The following TBC1D22A variants were observed in gnomAD, a reference collection of about 807,000 sequenced individuals.
TBC1D22A encodes the protein putative GTPase activator.
TBC1D22A carries 38 observed loss-of-function variants against 60.2 expected under a neutral mutation model. The observed-to-expected ratio is 0.63, with a 90% CI of 0.49 to 0.83. The LOEUF (loss-of-function observed/expected upper bound fraction) is 0.83, where lower values mean the gene tolerates loss of function less well. Ranked by LOEUF, TBC1D22A falls within the 40% of genes least tolerant of loss-of-function variation. TBC1D22A has a pLI of 0.00. For synonymous variants in TBC1D22A, 302 were observed against 281.7 expected, an observed-to-expected ratio of 1.07 and a Z score of -0.72; for missense variants, 628 against 701.0, an observed-to-expected ratio of 0.90 and a Z score of 1.18.
chr22:47,119,992 C>G (rs1196805530), intron 12 of TBC1D22A, among the ~76,000 whole-genome samples: 1 of 152,138 alleles, frequency 6.6e-6, no homozygotes, highest in Non-Finnish European at 1.5e-5. Flanking sequence ...TTCATGAGGC[C>G]TGCCTTCATC....
chr22:47,023,494 T>C (rs1383446886), intron 10 of TBC1D22A, among the ~76,000 whole-genome samples: 3 of 152,190 alleles, frequency 2.0e-5, no homozygotes, highest in Admixed American at 6.5e-5. Context: ...ATTGAGAATG[T>C]GAATGAATGC....
chr22:47,171,177 C>T (rs2068433521), intron 12 of TBC1D22A, among the ~76,000 whole-genome samples: 2 of 152,174 alleles, frequency 1.3e-5, no homozygotes, highest in African/African-American at 2.4e-5. Flanking sequence ...ACCACCTGGA[C>T]AGGAAGACAG....
intron 8 of TBC1D22A, among the ~76,000 whole-genome samples, chr22:46,953,295 C>T (rs1412820897): frequency 2.0e-5 from 3 of 152,128 alleles, no homozygotes; most frequent in African/African-American, 7.2e-5. Flanking sequence ...TTTCTGTTGG[C>T]CCCTGGGTTC....
chr22:46,964,162 G>T (rs1337682396), intron 8 of TBC1D22A, among the ~76,000 whole-genome samples: 1 of 152,218 alleles, frequency 6.6e-6, no homozygotes, highest in African/African-American at 2.4e-5. Flanking sequence ...GCTGCTCTGT[G>T]TAGGAAGGCT....
chr22:47,108,836 C>T (rs1294990881), intron 11 of TBC1D22A, among the ~76,000 whole-genome samples: 2 of 152,334 alleles, frequency 1.3e-5, no homozygotes, highest in South Asian at 4.1e-4. Flanking sequence ...GCTGGGACTA[C>T]AGGCACCCGC....
At chr22:46,906,661 G>A (rs760945435) in intron 7 of TBC1D22A, among the ~76,000 whole-genome samples, 4 of 152,156 alleles carry the variant, frequency 2.6e-5, no homozygotes, top group African/African-American at 4.8e-5. Flanking sequence ...CTCCACCTAC[G>A]AGCAAGTCAC....
intron 8 of TBC1D22A, among the ~76,000 whole-genome samples, chr22:46,955,975 T>C (rs1487580817): frequency 2.0e-5 from 3 of 152,210 alleles, no homozygotes; most frequent in African/African-American, 7.2e-5. Context: ...TTTAAAGCCA[T>C]TGGGTACATT....
At chr22:47,090,167 G>C (rs1032648667) in intron 11 of TBC1D22A, among the ~76,000 whole-genome samples, 5 of 152,192 alleles carry the variant, frequency 3.3e-5, no homozygotes, top group African/African-American at 7.2e-5. Context: ...CCTCACCTGG[G>C]AATCATCTTG....
intron 12 of TBC1D22A, among the ~76,000 whole-genome samples, chr22:47,144,284 C>G (rs1426208217): frequency 6.6e-6 from 1 of 152,222 alleles, no homozygotes; most frequent in Non-Finnish European, 1.5e-5. Flanking sequence ...GCCGCAGCCG[C>G]CCGTTTCCCT....
chr22:46,770,637 A>C (rs1028711497), intron 1 of TBC1D22A, among the ~76,000 whole-genome samples: 1 of 152,200 alleles, frequency 6.6e-6, no homozygotes, highest in African/African-American at 2.4e-5. Flanking sequence ...GTTTAAACCC[A>C]GGGGACTGAA....
intron 9 of TBC1D22A, among the ~76,000 whole-genome samples, chr22:46,991,546 G>A (rs2074940168): frequency 6.6e-6 from 1 of 152,256 alleles, no homozygotes; most frequent in African/African-American, 2.4e-5. Flanking sequence ...AGTGTGGACA[G>A]TTGGGGTTCA....
At chr22:46,969,687 T>G (rs894325340) in intron 8 of TBC1D22A, among the ~76,000 whole-genome samples, 2 of 152,162 alleles carry the variant, frequency 1.3e-5, no homozygotes, top group African/African-American at 4.8e-5. Flanking sequence ...GGGGTTAGCC[T>G]GTGCACTCGC....
intron 8 of TBC1D22A, among the ~76,000 whole-genome samples, chr22:46,947,106 A>G (rs1018116368): frequency 6.6e-6 from 1 of 151,958 alleles, no homozygotes; most frequent in Admixed American, 6.5e-5. Context: ...GGATGAGGTG[A>G]TAGAGCTGTG....
intron 11 of TBC1D22A, among the ~76,000 whole-genome samples, chr22:47,098,547 G>A (rs1388156612): frequency 6.6e-6 from 1 of 152,154 alleles, no homozygotes; most frequent in Non-Finnish European, 1.5e-5. Flanking sequence ...GGAAGGGCCA[G>A]GCAAGGCATC....
intron 5 of TBC1D22A, among the ~76,000 whole-genome samples, chr22:46,888,994 G>A (rs919919770): frequency 6.6e-6 from 1 of 152,172 alleles, no homozygotes; most frequent in East Asian, 1.9e-4. Context: ...GTGAGCTACC[G>A]CGTCTGTCCA....
intron 12 of TBC1D22A, among the ~76,000 whole-genome samples, chr22:47,146,029 C>T (rs2067272399): frequency 6.6e-6 from 1 of 150,598 alleles, no homozygotes; most frequent in African/African-American, 2.5e-5. Flanking sequence ...ACCAGGAGGC[C>T]ATGGCGCAGA....
intron 10 of TBC1D22A, among the ~76,000 whole-genome samples, chr22:47,006,292 C>T (rs984086406): frequency 6.6e-6 from 1 of 152,222 alleles, no homozygotes; most frequent in Admixed American, 6.5e-5. Context: ...ACAGTGCAGG[C>T]ATCGCAGTGA....
At chr22:46,952,275 T>TGGCCTTGGCATTCCTGTGGACC (rs1555966813) in intron 8 of TBC1D22A, among the ~76,000 whole-genome samples, 1 of 152,140 alleles carries the variant, frequency 6.6e-6, no homozygotes, top group Non-Finnish European at 1.5e-5. Flanking sequence ...CTCCTCACCA[T>TGGCCTTGGCATTCCTGTGGACC]CATTTTCGGC....
intron 11 of TBC1D22A, among the ~76,000 whole-genome samples, chr22:47,060,175 G>A (rs985088635): frequency 5.3e-5 from 8 of 151,770 alleles, no homozygotes; most frequent in African/African-American, 1.9e-4. Context: ...AGTGCTCTGC[G>A]TACTTCCAGC....
Sources: allele counts gnomAD v4.1 joint callset (sites outside exome capture counted in the v4.1 genomes callset), GRCh38; gene constraint gnomAD v4.1.1; transcripts MANE v1.5; gene names NCBI Gene and HGNC (gene_info 2026-07-23, HGNC 2026-07-21).